RNF213: variants seen among roughly 807,000 people sequenced by gnomAD.
The protein encoded by RNF213 is E3 ubiquitin-protein ligase RNF213.
RNF213 carries 341 observed loss-of-function variants against 514.4 expected under a neutral mutation model. The observed-to-expected ratio is 0.66, with a 90% CI of 0.61 to 0.73. The LOEUF (loss-of-function observed/expected upper bound fraction) is 0.73. Ranked by LOEUF, RNF213 falls within the 30% of genes least tolerant of loss-of-function variation. The pLI is 0.00. For synonymous variants in RNF213, 2,655 were observed against 2,658.2 expected (o/e 1.00, Z 0.04); for missense variants, 5,767 against 6,615.6 (o/e 0.87, Z 4.45).
intron 17 of RNF213, chr17:80,319,748 G>T: frequency 7.5e-7 from 1 of 1,337,338 alleles, no homozygotes; most frequent in Non-Finnish European, 9.6e-7. Context: ...AATTTATTTA[G>T]CTCTTTTCGG....
intron 3 of RNF213, among the ~76,000 whole-genome samples, chr17:80,279,197 C>G (rs1489341502): frequency 3.3e-5 from 5 of 152,200 alleles, no homozygotes; most frequent in Non-Finnish European, 4.4e-5. Flanking sequence ...GCAGCTGTCC[C>G]CTTGGACACC....
intron 18 of RNF213, among the ~76,000 whole-genome samples, chr17:80,327,317 G>GT (rs2046305453): frequency 6.6e-6 from 1 of 152,230 alleles, no homozygotes. Context: ...GGGCAACAAA[G>GT]TGAGACCCTG....
rs766005253 is a variant in RNF213 at position 80,346,648 on chromosome 17, C to T, written c.8313C>T (p.Pro2771=). 1.7e-5 allele frequency: 27 copies of T among 1,611,978 alleles called. No individual in the cohort carries two copies. Among genetic ancestry groups the T allele is most frequent in the South Asian group, 7.7e-5 (7 of 91,082 alleles). Residue 2771 remains proline (P), a synonymous_variant, in exon 29 of 68, where the codon CCC becomes CCT. Coordinates refer to ENST00000582970, the MANE Select transcript of RNF213 (RefSeq NM_001256071.3). This position sits in a 1 kb window ranked among gnomAD's most constrained non-coding sequence, Gnocchi z 8.1. Reference sequence around the variant, plus strand: ...TTCCCCTCTTCCTGGTGGGGAAGCCCGGCAGCTCCAAGTCTCTCGCCAAGA... The same window carrying T: ...TTCCCCTCTTCCTGGTGGGGAAGCCTGGCAGCTCCAAGTCTCTCGCCAAGA... ...LKIPLFLVGK[P]GSSKSLAKTI... is the part of the protein sequence containing the mutation.
In RNF213 at chr17:80,289,739, C is replaced by T. The variant is rs1476400295; in HGVS notation, c.1014C>T (p.Asp338=). The T allele has an allele frequency of 3.7e-6, 6 of 1,613,900 alleles. No homozygotes were observed. In the African/African-American group the frequency reaches 6.7e-5, roughly 18 times the overall value. Residue 338 remains aspartate (D), a synonymous_variant, in exon 6 of 68, where the codon GAC becomes GAT. Coordinates refer to ENST00000582970, the MANE Select transcript of RNF213 (RefSeq NM_001256071.3). ...VGKNEQGEPE[D]LKKPEGKNRS... The stretch of plus-strand genomic sequence containing the variant: ...AGAATGAACAAGGGGAGCCTGAAGA[C>T]CTCAAGAAGCCAGAGGGGAAGAACA...
At chr17:80,365,555 C>T (rs1043589827) in intron 42 of RNF213, among the ~76,000 whole-genome samples, 3 of 151,646 alleles carry the variant, frequency 2.0e-5, no homozygotes, top group Non-Finnish European at 2.9e-5. Flanking sequence ...AGCCCAATCC[C>T]GGACACGCAC....
rs776077131 is a variant in RNF213, at chr17:80,375,776, A to C, written c.13091A>C (p.Gln4364Pro). Residue 4364 changes from glutamine to proline, a missense_variant, in exon 51 of 68, where the codon CAA (glutamine) becomes CCA (proline). Physicochemically the swap from Gln to Pro is moderately conservative, Grantham distance 76. Coordinates refer to ENST00000582970, the MANE Select transcript of RNF213 (RefSeq NM_001256071.3). ...KTALKACKTP[Q>P]SQQSAYFLLT... The stretch of plus-strand genomic sequence containing the variant: ...ATTTTGCAGGCCTGCAAGACCCCCC[A>C]AAGCCAGCAGTCAGCCTACTTCCTG... The C allele has an allele frequency of 2.5e-6, 4 of 1,613,856 alleles. No homozygotes were observed. The highest frequency in any genetic ancestry group is 1.1e-5 in the South Asian group (1 of 91,076).
At position 80,264,729 on chromosome 17, in the gene RNF213, C is replaced by G. The variant is rs931962800; in HGVS notation, c.97+951C>G. Among the ~76,000 whole-genome samples, 3 of 152,100 alleles carry G rather than the reference C, an allele frequency of 2.0e-5. No homozygotes were observed. Among genetic ancestry groups the G allele is most frequent in the Non-Finnish European group, 4.4e-5 (3 of 68,014 alleles). On this transcript the variant is annotated intron_variant, in intron 2 of 67. Transcript: ENST00000582970. The surrounding 1 kb of genome is among the most constrained non-coding windows in gnomAD (Gnocchi z 5.0). ...CAGCAGACAGTCAAACCACAGACCCCCTTACAAGATCCGCCCCTGCCCCCG... is the reference window on the plus strand; with the variant it reads ...CAGCAGACAGTCAAACCACAGACCCGCTTACAAGATCCGCCCCTGCCCCCG...
Position 80,328,001 on chromosome 17 carries a change from G to A in RNF213, c.3367+12G>A. On this transcript the variant is annotated intron_variant, in intron 19 of 67. Coordinates refer to ENST00000582970, the MANE Select transcript of RNF213 (RefSeq NM_001256071.3). ...CATCTGGCAACTGAGTAAGCATCGAGTCGATACGCACTTCAGGCTCCTGAG... is the reference window on the plus strand; with the variant it reads ...CATCTGGCAACTGAGTAAGCATCGAATCGATACGCACTTCAGGCTCCTGAG... 6.5e-7 allele frequency: 1 copy of A among 1,537,194 alleles called. No homozygotes were observed. The highest frequency in any genetic ancestry group is 8.7e-7 in the Non-Finnish European group (1 of 1,146,834).
chr17:80,386,491 G>C, intron 62 of RNF213, 61 bp downstream of exon 62: 1 of 1,576,836 alleles, frequency 6.3e-7, no homozygotes, highest in Non-Finnish European at 8.7e-7. Flanking sequence ...AAGCCCAGTG[G>C]GGCAGACACA....
rs1050467304 is a variant in RNF213, at chr17:80,319,655, T to C, written c.3024+343T>C. 17 of 1,494,458 alleles carry C rather than the reference T, an allele frequency of 1.1e-5. No individual in the cohort carries two copies. The Admixed American group carries it at 3.2e-4, about 28-fold the overall frequency. The allele number at this position is 1,494,458 out of a possible 1,614,324, so 92.6% of individuals were successfully genotyped here. A position where few individuals can be genotyped will look rare whatever the true frequency, so the allele number is the denominator to read the frequency against. On this transcript the variant is annotated intron_variant, in intron 17 of 67. Transcript: ENST00000582970. ...GCTGGTTTGATTGATTGTTAACACTTGCTCAGTAGGTGTGCGGGAAGAGAC... is the reference window on the plus strand; with the variant it reads ...GCTGGTTTGATTGATTGTTAACACTCGCTCAGTAGGTGTGCGGGAAGAGAC...
chr17:80,359,108 T>G (rs930021577), intron 37 of RNF213, among the ~76,000 whole-genome samples: 3 of 152,112 alleles, frequency 2.0e-5, no homozygotes, highest in Non-Finnish European at 4.4e-5. Flanking sequence ...CATTCCCTGG[T>G]GGAGCGGCAC....
At chr17:80,331,459 G>A (rs1599038252) in intron 20 of RNF213, among the ~76,000 whole-genome samples, 1 of 148,332 alleles carries the variant, frequency 6.7e-6, no homozygotes, top group Non-Finnish European at 1.5e-5. Flanking sequence ...CACAGTCTCA[G>A]CTCACTGCAA....
Position 80,343,295 on chromosome 17 carries a change from C to T in RNF213, c.6153C>T (p.Pro2051=), listed in dbSNP as rs141675700. The change falls in exon 27 of 68, where the codon CCC becomes CCT. Residue 2051 remains proline (P), a synonymous_variant. Transcript: ENST00000582970. The surrounding 1 kb of genome is among the most constrained non-coding windows in gnomAD (Gnocchi z 4.3). ...TGGATGCGCAGTATCAGAAGGTCCC[C>T]GTGCTCTTTCACCTGGACGTGACCT... ...PFLDAQYQKV[P]VLFHLDVTSS... 44 of 1,612,850 alleles carry T rather than the reference C, an allele frequency of 2.7e-5. No individual in the cohort carries two copies. The highest frequency in any genetic ancestry group is 2.6e-4 in the South Asian group (24 of 90,964).
chr17:80,281,343 C>T, intron 3 of RNF213, among the ~76,000 whole-genome samples: 2 of 106,114 alleles, frequency 1.9e-5, no homozygotes, highest in East Asian at 3.1e-4. Context: ...CGCCCCCACA[C>T]ACACACCCCA....
chr17:80,384,169 T>C (rs1365978987), intron 59 of RNF213, among the ~76,000 whole-genome samples: 1 of 152,186 alleles, frequency 6.6e-6, no homozygotes, highest in Non-Finnish European at 1.5e-5. Flanking sequence ...AGCAGTGACC[T>C]GTGGGGAAGC....
intron 15 of RNF213, among the ~76,000 whole-genome samples, chr17:80,313,389 C>T (rs2045636355): frequency 6.6e-6 from 1 of 152,160 alleles, no homozygotes; most frequent in African/African-American, 2.4e-5. Flanking sequence ...CCTCGTGTCC[C>T]CTGGCCGGGC....
rs2078276878 is a variant in RNF213, at chr17:80,345,386, T to C, written c.7051T>C (p.Tyr2351His). Residue 2351 changes from tyrosine to histidine, a missense_variant, in exon 29 of 68, where the codon TAC (tyrosine) becomes CAC (histidine). Physicochemically the swap from Tyr to His is moderately conservative, Grantham distance 83. Around this residue, in one of 13 missense-constraint regions of RNF213, gnomAD observed 1,377 missense variants for 1,635.2 expected, o/e 0.84. Coordinates refer to ENST00000582970, the MANE Select transcript of RNF213 (RefSeq NM_001256071.3). The surrounding 1 kb of genome is among the most constrained non-coding windows in gnomAD (Gnocchi z 6.0). The part of the protein sequence containing the change: ...IKRDVMTRDL[Y>H]QGLLLQRVPF... ...GAGAGACGTCATGACCAGGGACCTG[T>C]ACCAGGGCCTGCTGCTCCAGAGGGT... The C allele has an allele frequency of 6.2e-7, 1 of 1,613,938 alleles. No homozygotes were observed. The highest frequency in any genetic ancestry group is 1.7e-5 in the Admixed American group (1 of 59,992).
intron 3 of RNF213, among the ~76,000 whole-genome samples, chr17:80,280,681 C>G (rs74870219): frequency 0.052 from 7,932 of 152,134 alleles, 308 homozygotes; most frequent in East Asian, 0.2. Context: ...TCTCAAACTC[C>G]TGGGCTCAAG....
At chr17:80,376,649 C>G in intron 52 of RNF213, 106 bp downstream of exon 52, 1 of 1,478,986 alleles carries the variant, frequency 6.8e-7, no homozygotes, top group Non-Finnish European at 9.3e-7. Context: ...ATCTTTATCT[C>G]CTCAGTTCTC....
Sources: gnomAD v4.1 joint callset for allele counts (sites outside exome capture counted in the v4.1 genomes callset) on GRCh38, gnomAD v4.1.1 for gene constraint, gnomAD v4.1.1 regional missense constraint, Gnocchi (gnomAD v3.1) non-coding constraint, MANE v1.5 for transcripts, NCBI Gene and HGNC (gene_info 2026-07-23, HGNC 2026-07-21) for gene names.